Variants in FHIT observed in about 807,000 individuals in gnomAD.
The protein encoded by FHIT is bis(5'-adenosyl)-triphosphatase.
In FHIT, 19 loss-of-function variants were observed where a neutral mutation model predicts 17.9. That is an observed-to-expected ratio of 1.06 (90% CI 0.74 to 1.56). FHIT has a LOEUF of 1.56. Among genes scored for constraint, FHIT ranks in the 40% most tolerant of loss-of-function variants. FHIT has a pLI of 0.00. For synonymous variants in FHIT, 81 were observed against 69.7 expected (o/e 1.16, Z -0.81); for missense variants, 248 against 189.2 (o/e 1.31, Z -1.82).
chr3:60,095,684 G>A (rs963177611), intron 5 of FHIT, among the ~76,000 whole-genome samples: 6 of 152,074 alleles, frequency 3.9e-5, no homozygotes, highest in East Asian at 1.9e-4. Context: ...CTAGATAATC[G>A]GCCTCATTGT....
At chr3:60,955,633 T>TATATATATATACACAC (rs1272864632) in intron 3 of FHIT, among the ~76,000 whole-genome samples, 49 of 39,488 alleles carry the variant, frequency 1.2e-3, no homozygotes, top group African/African-American at 3.2e-3. Context: ...TATATATATA[T>TATATATATATACACAC]ACACACACAC....
intron 4 of FHIT, among the ~76,000 whole-genome samples, chr3:60,640,939 G>C (rs144965540): frequency 0.01 from 1,530 of 152,246 alleles, 26 homozygotes; most frequent in African/African-American, 0.035. Flanking sequence ...CAGCACTTTG[G>C]GTGGCTGAGG....
intron 5 of FHIT, among the ~76,000 whole-genome samples, chr3:60,252,714 G>C (rs1705777132): frequency 6.6e-6 from 1 of 152,096 alleles, no homozygotes; most frequent in Admixed American, 6.5e-5. Context: ...GACTGGGCTG[G>C]GCGCGGTGGC....
At chr3:60,960,958 T>C (rs1446718543) in intron 3 of FHIT, among the ~76,000 whole-genome samples, 1 of 152,262 alleles carries the variant, frequency 6.6e-6, no homozygotes, top group African/African-American at 2.4e-5. Context: ...AGTAATGGGA[T>C]GGCTGGGTCA....
intron 8 of FHIT, among the ~76,000 whole-genome samples, chr3:59,884,433 C>A (rs549473857): frequency 2.6e-5 from 4 of 152,104 alleles, no homozygotes; most frequent in Non-Finnish European, 5.9e-5. Context: ...GATATCAACA[C>A]AATAAAGATA....
intron 7 of FHIT, among the ~76,000 whole-genome samples, chr3:59,942,325 C>T (rs1166608950): frequency 6.6e-6 from 1 of 152,192 alleles, no homozygotes; most frequent in African/African-American, 2.4e-5. Context: ...CTTTGCCATA[C>T]ACTACCTTCC....
intron 5 of FHIT, among the ~76,000 whole-genome samples, chr3:60,466,411 T>C (rs1209849521): frequency 2.0e-5 from 3 of 152,122 alleles, no homozygotes; most frequent in African/African-American, 4.8e-5. Context: ...TCCAGTACTA[T>C]GTTGAATAAC....
intron 5 of FHIT, among the ~76,000 whole-genome samples, chr3:60,412,959 C>T (rs768949760): frequency 6.6e-6 from 1 of 152,144 alleles, no homozygotes; most frequent in Non-Finnish European, 1.5e-5. Context: ...TCCCCTTCCA[C>T]CATGATTGTA....
chr3:59,988,689 G>C (rs1709094464), intron 7 of FHIT, among the ~76,000 whole-genome samples: 1 of 152,062 alleles, frequency 6.6e-6, no homozygotes, highest in Non-Finnish European at 1.5e-5. Flanking sequence ...TTCAAACTGA[G>C]ATAAGGATCT....
At chr3:60,720,837 T>TAC (rs1553707881) in intron 4 of FHIT, among the ~76,000 whole-genome samples, 1 of 152,126 alleles carries the variant, frequency 6.6e-6, no homozygotes, top group Non-Finnish European at 1.5e-5. Context: ...GGGGCAGTAA[T>TAC]ATGAATACAT....
chr3:60,620,068 ATAT>A (rs2039075216), intron 4 of FHIT, among the ~76,000 whole-genome samples: 1 of 152,204 alleles, frequency 6.6e-6, no homozygotes, highest in Non-Finnish European at 1.5e-5. Context: ...AGCTCAACAT[ATAT>A]TATTAGGATA....
chr3:61,239,762 C>CTATATATATATATATATATAT (rs1491095399), intron 1 of FHIT, among the ~76,000 whole-genome samples: 2 of 108,298 alleles, frequency 1.8e-5, no homozygotes, highest in Non-Finnish European at 1.7e-5. Context: ...AACAACTGGC[C>CTATATATATATATATATATAT]ATATATATAT....
chr3:60,332,899 C>T (rs1336632571), intron 5 of FHIT, among the ~76,000 whole-genome samples: 3 of 152,074 alleles, frequency 2.0e-5, no homozygotes, highest in South Asian at 4.1e-4. Flanking sequence ...CTGCATTGGC[C>T]GACATTGTGT....
At chr3:60,360,066 G>C (rs1699843828) in intron 5 of FHIT, among the ~76,000 whole-genome samples, 3 of 150,538 alleles carry the variant, frequency 2.0e-5, no homozygotes, top group Admixed American at 2.0e-4. Context: ...AAATGTGCAG[G>C]TTTGAAAGTT....
At chr3:59,918,532 G>A (rs1191331649) in intron 8 of FHIT, among the ~76,000 whole-genome samples, 1 of 152,138 alleles carries the variant, frequency 6.6e-6, no homozygotes, top group Non-Finnish European at 1.5e-5. Context: ...CTCACCTGGG[G>A]CCAGAGCACT....
chr3:60,241,752 T>C (rs560842719), intron 5 of FHIT, among the ~76,000 whole-genome samples: 6 of 152,260 alleles, frequency 3.9e-5, no homozygotes, highest in African/African-American at 1.4e-4. Context: ...GTTATATTCA[T>C]GACTAGTAGG....
chr3:60,187,448 C>G (rs1175529704), intron 5 of FHIT, among the ~76,000 whole-genome samples: 1 of 152,124 alleles, frequency 6.6e-6, no homozygotes, highest in Non-Finnish European at 1.5e-5. Context: ...ATTGCTGGTG[C>G]CCTCGGAAGC....
intron 4 of FHIT, among the ~76,000 whole-genome samples, chr3:60,659,042 G>A (rs1553690397): frequency 7.0e-6 from 1 of 141,998 alleles, no homozygotes. Context: ...AGGATTCTTG[G>A]TTGGCAGTTT....
At chr3:60,621,960 G>T (rs2039144022) in intron 4 of FHIT, among the ~76,000 whole-genome samples, 1 of 152,062 alleles carries the variant, frequency 6.6e-6, no homozygotes, top group Non-Finnish European at 1.5e-5. Flanking sequence ...ATGCCAATGA[G>T]GTGTCCACTG....
Sources: gnomAD v4.1 joint callset for allele counts (sites outside exome capture counted in the v4.1 genomes callset) on GRCh38, gnomAD v4.1.1 for gene constraint, MANE v1.5 for transcripts, NCBI Gene and HGNC (gene_info 2026-07-23, HGNC 2026-07-21) for gene names.